Variants in FRMD4B observed in about 807,000 individuals in gnomAD.
The protein encoded by FRMD4B is FERM domain containing 4B.
A neutral mutation model predicts 141.5 loss-of-function variants in FRMD4B; 74 were observed. The observed-to-expected ratio is 0.52, with a 90% CI of 0.43 to 0.63. FRMD4B has a LOEUF of 0.63. Among genes scored for constraint, FRMD4B ranks in the 30% least tolerant of loss-of-function variants. FRMD4B has a pLI of 0.00. For missense variants in FRMD4B, 1,366 were observed against 1,253.4 expected, an observed-to-expected ratio of 1.09 and a Z score of -1.36; for synonymous variants, 506 against 467.9, an observed-to-expected ratio of 1.08 and a Z score of -1.05.
rs574693380 is a variant in FRMD4B at position 69,287,611 on chromosome 3, G to C, written c.501+141C>G. 2.4e-5 allele frequency: 15 copies of C among 628,520 alleles called. No homozygotes were observed. In the African/African-American group the frequency reaches 2.4e-4, roughly 10 times the overall value. The allele number at this position is 628,520 out of a possible 1,614,324, so 38.9% of individuals were successfully genotyped here. On this transcript the variant is annotated intron_variant, in intron 5 of 22. Coordinates refer to ENST00000398540, the MANE Select transcript of FRMD4B (RefSeq NM_015123.3). ...ACCATTTGTGTATGTGTGTAGTTGG[G>C]GGGTAGGACATATTCATGGAAAAGA...
At chr3:69,358,076 C>T (rs1351700588) in intron 1 of FRMD4B, among the ~76,000 whole-genome samples, 1 of 152,218 alleles carries the variant, frequency 6.6e-6, no homozygotes. Flanking sequence ...TCATAGTCAA[C>T]TCTGCAATTG....
At chr3:69,490,043 C>T (rs77698096) in intron 1 of FRMD4B, among the ~76,000 whole-genome samples, 2,629 of 152,196 alleles carry the variant, frequency 0.017, 35 homozygotes, top group East Asian at 0.061. Context: ...AGAACGTGGA[C>T]GAATGGCTGT....
intron 1 of FRMD4B, among the ~76,000 whole-genome samples, chr3:69,465,632 T>A (rs1447700738): frequency 6.7e-6 from 1 of 150,288 alleles, no homozygotes; most frequent in Non-Finnish European, 1.5e-5. Flanking sequence ...TGAGTAAGAA[T>A]ATGTGGTGTT....
At chr3:69,496,860 C>G (rs879515330) in intron 1 of FRMD4B, among the ~76,000 whole-genome samples, 1 of 151,692 alleles carries the variant, frequency 6.6e-6, no homozygotes, top group Non-Finnish European at 1.5e-5. Context: ...TTGATTGTAT[C>G]TGACCCCCAA....
rs375145525 is a variant in FRMD4B at position 69,181,309 on chromosome 3, T to C, written c.2441A>G (p.Glu814Gly). 1 of 1,613,724 alleles carries C rather than the reference T, an allele frequency of 6.2e-7. No individual in the cohort carries two copies. The highest frequency in any genetic ancestry group is 1.1e-5 in the South Asian group (1 of 91,080). Reference protein sequence around the residue: ...YYIAGYTPYAECDFYYSGGYV... With the variant: ...YYIAGYTPYAGCDFYYSGGYV... Reference sequence around the variant, plus strand: ...ACCACCACTGTAATAAAAGTCACACTCTGCATAGGGTGTGTACCCGGCAAT... The same window carrying C: ...ACCACCACTGTAATAAAAGTCACACCCTGCATAGGGTGTGTACCCGGCAAT... Residue 814 changes from glutamate to glycine, a missense_variant, in exon 21 of 23, where the codon GAG becomes GGG. Coordinates refer to ENST00000398540, the MANE Select transcript of FRMD4B (RefSeq NM_015123.3).
At chr3:69,231,588 C>T (rs964338562) in intron 7 of FRMD4B, among the ~76,000 whole-genome samples, 2 of 152,162 alleles carry the variant, frequency 1.3e-5, no homozygotes, top group African/African-American at 2.4e-5. Flanking sequence ...GTGCCCGGCC[C>T]AGCTGCATCC....
At chr3:69,427,643 GTTTTTT>G (rs774316609) in intron 2 of FRMD4B, among the ~76,000 whole-genome samples, 7 of 36,238 alleles carry the variant, frequency 1.9e-4, no homozygotes, top group South Asian at 1.4e-3. Flanking sequence ...CTAGGTAAAT[GTTTTTT>G]TTTTTTTTTT....
chr3:69,510,245 C>CA (rs1399138090), intron 1 of FRMD4B, among the ~76,000 whole-genome samples: 1 of 151,846 alleles, frequency 6.6e-6, no homozygotes, highest in Non-Finnish European at 1.5e-5. Flanking sequence ...TCAAACTCCA[C>CA]AAAAAATTAG....
At chr3:69,540,711 T>G (rs1390341546) in intron 1 of FRMD4B, among the ~76,000 whole-genome samples, 1 of 148,284 alleles carries the variant, frequency 6.7e-6, no homozygotes, top group Non-Finnish European at 1.5e-5. Context: ...TTGTTATTGT[T>G]ATTATTTTCT....
chr3:69,211,506 A>T (rs2093079526), intron 11 of FRMD4B, among the ~76,000 whole-genome samples: 1 of 152,206 alleles, frequency 6.6e-6, no homozygotes, highest in South Asian at 2.1e-4. Context: ...TGCCCTTAAC[A>T]TTCACAGGTG....
At chr3:69,394,141 A>G (rs184113051) in intron 2 of FRMD4B, among the ~76,000 whole-genome samples, 9 of 152,362 alleles carry the variant, frequency 5.9e-5, no homozygotes, top group Admixed American at 1.3e-4. Flanking sequence ...TGGGAAGTAC[A>G]AGATCAAGGT....
chr3:69,296,203 A>G (rs1225673741), intron 4 of FRMD4B, among the ~76,000 whole-genome samples: 1 of 152,172 alleles, frequency 6.6e-6, no homozygotes, highest in East Asian at 1.9e-4. Context: ...ACAAACGCAC[A>G]CATCCTTTAA....
chr3:69,199,266 C>T (rs9838595), intron 11 of FRMD4B: 134,548 of 153,198 alleles, frequency 0.88, 61,415 homozygotes, highest in Non-Finnish European at 0.99. Context: ...AGCGAGACTC[C>T]GTCTCAAAAA....
rs1265785938 is a variant in FRMD4B at position 69,181,163 on chromosome 3, C to T, written c.2587G>A (p.Asp863Asn). 3.7e-6 allele frequency: 6 copies of T among 1,613,824 alleles called. No homozygotes were observed. Among genetic ancestry groups the T allele is most frequent in the Admixed American group, 1.7e-5 (1 of 60,010 alleles). Residue 863 changes from aspartate to asparagine, a missense_variant, in exon 21 of 23, where the codon GAC (aspartate) becomes AAC (asparagine). By Grantham distance (23) the Asp-to-Asn change is conservative. Transcript: ENST00000398540. ...GCATATGGGTTATGGGGTACCCGGT[C>T]GACCTCATCTTCGTGAAAGGATCTG... ...YSRSFHEDEV[D>N]RVPHNPYATL...
chr3:69,223,065 C>A (rs1037115756), intron 8 of FRMD4B, among the ~76,000 whole-genome samples: 1 of 152,186 alleles, frequency 6.6e-6, no homozygotes, highest in East Asian at 1.9e-4. Flanking sequence ...ACTCTACTAT[C>A]ACCATTTACA....
At chr3:69,441,335 A>G (rs756837406) in intron 1 of FRMD4B, among the ~76,000 whole-genome samples, 1 of 152,078 alleles carries the variant, frequency 6.6e-6, no homozygotes, top group Non-Finnish European at 1.5e-5. Flanking sequence ...ATACCAAGCT[A>G]ATTTTATTTT....
intron 2 of FRMD4B, among the ~76,000 whole-genome samples, chr3:69,312,816 G>A (rs1701644246): frequency 6.6e-6 from 1 of 152,146 alleles, no homozygotes; most frequent in Non-Finnish European, 1.5e-5. Context: ...TTGAACCCGG[G>A]AGGCAGAGGT....
At chr3:69,393,230 C>T (rs1704416056) in intron 2 of FRMD4B, among the ~76,000 whole-genome samples, 1 of 149,672 alleles carries the variant, frequency 6.7e-6, no homozygotes, top group Admixed American at 6.8e-5. Flanking sequence ...GTAAACAAAG[C>T]AAAACTTTCT....
chr3:69,178,672 TA>T (rs1460542739), intron 21 of FRMD4B, among the ~76,000 whole-genome samples: 14 of 50,728 alleles, frequency 2.8e-4, no homozygotes, highest in Non-Finnish European at 6.1e-4. Context: ...ACTGTCTCTT[TA>T]AAAAAGAAAA....
Sources: gnomAD v4.1 joint callset for allele counts (sites outside exome capture counted in the v4.1 genomes callset) on GRCh38, gnomAD v4.1.1 for gene constraint, MANE v1.5 for transcripts, NCBI Gene and HGNC (gene_info 2026-07-23, HGNC 2026-07-21) for gene names.